SETDB1: variants seen among roughly 807,000 people sequenced by gnomAD.
SETDB1 encodes the protein histone-lysine N-methyltransferase SETDB1.
Under a neutral mutation model 137.4 loss-of-function variants are expected in SETDB1, and 31 were observed. That is an observed-to-expected ratio of 0.23 (90% confidence interval 0.17 to 0.30). The LOEUF (loss-of-function observed/expected upper bound fraction) is 0.30. Among genes scored for constraint, SETDB1 ranks in the 10% least tolerant of loss-of-function variants. The pLI, the probability that SETDB1 is intolerant of heterozygous loss-of-function variation, is 1.00. For missense variants in SETDB1, 1,113 were observed against 1,631.5 expected (o/e 0.68, Z 5.47); for synonymous variants, 548 against 579.9 (o/e 0.95, Z 0.79).
At chr1:150,940,618 A>G (rs1407061194) in intron 4 of SETDB1, among the ~76,000 whole-genome samples, 1 of 151,762 alleles carries the variant, frequency 6.6e-6, no homozygotes, top group East Asian at 1.9e-4. Context: ...CTGTAATCCC[A>G]GCACTTTGGG....
At chr1:150,934,434 C>T (rs1669884726) in intron 3 of SETDB1, among the ~76,000 whole-genome samples, 3 of 152,134 alleles carry the variant, frequency 2.0e-5, no homozygotes, top group Admixed American at 6.6e-5. Flanking sequence ...GATCGCACCG[C>T]TGCACTCCAG....
At chr1:150,960,499 A>C in intron 15 of SETDB1, 64 bp from the exon 16 acceptor site, 1 of 1,405,462 alleles carries the variant, frequency 7.1e-7, no homozygotes, top group Non-Finnish European at 9.6e-7. Flanking sequence ...AAAAAAAGCA[A>C]ACAAAAAAAA....
rs778082910 is a variant in SETDB1 at position 150,962,176 on chromosome 1, T to C, written c.3161+18T>C. 2 of 1,612,962 alleles carry C rather than the reference T, an allele frequency of 1.2e-6. No homozygotes were observed. The highest frequency in any genetic ancestry group is 1.7e-6 in the Non-Finnish European group (2 of 1,178,952). On this transcript the variant is annotated intron_variant, in intron 17 of 21. Transcript: ENST00000692827. ...ATGTCAGTGTAAGTGCCTTTTGTTT[T>C]GTTTTGTTTTGAGACAGAGTCTTGC...
chr1:150,929,210 A>G (rs1669643911), intron 2 of SETDB1, among the ~76,000 whole-genome samples: 1 of 152,110 alleles, frequency 6.6e-6, no homozygotes, highest in Non-Finnish European at 1.5e-5. Context: ...AGTCCCACCA[A>G]CAGTGTAAAA....
intron 14 of SETDB1, among the ~76,000 whole-genome samples, chr1:150,951,906 C>T (rs959520415): frequency 3.3e-5 from 5 of 152,024 alleles, no homozygotes; most frequent in East Asian, 1.9e-4. Flanking sequence ...CCAGCACTTT[C>T]GGAGGCCAAG....
chr1:150,947,502 G>A (rs903258721), intron 10 of SETDB1, among the ~76,000 whole-genome samples: 7 of 152,062 alleles, frequency 4.6e-5, no homozygotes, highest in African/African-American at 1.7e-4. Context: ...CAGGCACAGT[G>A]GCTGACATCT....
intron 3 of SETDB1, among the ~76,000 whole-genome samples, chr1:150,936,958 CTACTAAAAAT>C (rs1669963782): frequency 6.6e-6 from 1 of 152,146 alleles, no homozygotes; most frequent in Admixed American, 6.5e-5. Flanking sequence ...AATCCCATCT[CTACTAAAAAT>C]ACAAAAATTA....
intron 11 of SETDB1, 33 bp from the exon 12 acceptor site, chr1:150,949,334 C>G (rs773880946): frequency 6.2e-7 from 1 of 1,613,214 alleles, no homozygotes; most frequent in South Asian, 1.1e-5. Flanking sequence ...TTTCCACATC[C>G]CTTACTATAT....
chr1:150,946,744 T>C, intron 9 of SETDB1, 142 bp from the exon 10 acceptor site: 1 of 899,090 alleles, frequency 1.1e-6, no homozygotes. Flanking sequence ...CGTGAGCCAC[T>C]GTGCTTAGCT....
At chr1:150,930,467 C>T (rs587633274) in intron 3 of SETDB1, 7 of 159,732 alleles carry the variant, frequency 4.4e-5, no homozygotes, top group East Asian at 1.8e-4. Flanking sequence ...AGCCCGCAAC[C>T]GCATTAAACT....
Position 150,949,564 on chromosome 1 carries a change from TGA to T in SETDB1, c.1583+41_1583+42del, listed in dbSNP as rs372205809. 997 of 1,594,528 alleles carry T rather than the reference TGA, an allele frequency of 6.3e-4. 5 individuals carry two copies. In the East Asian group the frequency reaches 0.011, roughly 18 times the overall value. ...AGGCTCTCTGTAGGCAGGATAGCAATGAGTGGTCACTGTGTAGGGGAAGGTTC... is the reference window on the plus strand; with the variant it reads ...AGGCTCTCTGTAGGCAGGATAGCAATGTGGTCACTGTGTAGGGGAAGGTTC... On this transcript the variant is annotated intron_variant, in intron 12 of 21. Coordinates refer to ENST00000692827, the MANE Select transcript of SETDB1 (RefSeq NM_001366418.1).
intron 3 of SETDB1, among the ~76,000 whole-genome samples, chr1:150,936,896 G>A (rs1000771904): frequency 3.3e-5 from 5 of 152,114 alleles, no homozygotes; most frequent in Non-Finnish European, 5.9e-5. Context: ...AGGCCGAGGC[G>A]GGTGGATCGC....
chr1:150,928,734 T>TC (rs1021021470), intron 2 of SETDB1, among the ~76,000 whole-genome samples: 7 of 152,234 alleles, frequency 4.6e-5, no homozygotes, highest in Admixed American at 2.0e-4. Context: ...CCTAATACTA[T>TC]CCCTCCCCCT....
intron 3 of SETDB1, among the ~76,000 whole-genome samples, chr1:150,930,685 C>T (rs1370049330): frequency 6.6e-6 from 1 of 151,508 alleles, no homozygotes; most frequent in Non-Finnish European, 1.5e-5. Flanking sequence ...ACCCCCTGCC[C>T]CACCACCACA....
chr1:150,939,758 C>CT (rs2102680804), intron 3 of SETDB1, among the ~76,000 whole-genome samples, 182 bp from the exon 4 acceptor site: 1 of 152,272 alleles, frequency 6.6e-6, no homozygotes, highest in Admixed American at 6.5e-5. Flanking sequence ...TGGCTATTTA[C>CT]TTTGTGTCTT....
At chr1:150,963,481 C>A in intron 19 of SETDB1, 49 bp from the exon 20 acceptor site, 1 of 1,396,806 alleles carries the variant, frequency 7.2e-7, no homozygotes, top group Non-Finnish European at 9.9e-7. Flanking sequence ...GATAGAATGT[C>A]TGTTCATGAG....
intron 6 of SETDB1, 61 bp downstream of exon 6, chr1:150,942,749 G>A (rs1558017034): frequency 6.3e-7 from 1 of 1,599,180 alleles, no homozygotes; most frequent in Non-Finnish European, 8.5e-7. Flanking sequence ...ACTGCTGATT[G>A]TTTCTTTTCC....
intron 3 of SETDB1, among the ~76,000 whole-genome samples, chr1:150,931,261 C>CAAAAAGAAAAAAAA (rs1669728815): frequency 1.5e-5 from 1 of 67,480 alleles, no homozygotes; most frequent in African/African-American, 4.4e-5. Flanking sequence ...CTCTTGTCTT[C>CAAAAAGAAAAAAAA]AAAAAAAAAA....
chr1:150,953,539 A>AC (rs1342845015), intron 14 of SETDB1, among the ~76,000 whole-genome samples: 1 of 151,262 alleles, frequency 6.6e-6, no homozygotes, highest in East Asian at 1.9e-4. Flanking sequence ...AAAAAAAAAA[A>AC]AATTGTTGGC....
Sources: gnomAD v4.1 joint callset for allele counts (sites outside exome capture counted in the v4.1 genomes callset) on GRCh38, gnomAD v4.1.1 for gene constraint, MANE v1.5 for transcripts, NCBI Gene and HGNC (gene_info 2026-07-23, HGNC 2026-07-21) for gene names.